The following TIMP2 variants were observed in gnomAD, a reference collection of about 807,000 sequenced individuals.
TIMP2 encodes metalloproteinase inhibitor 2.
Under a neutral mutation model 24.3 loss-of-function variants are expected in TIMP2, and 5 were observed. That is an observed-to-expected ratio of 0.21 (90% confidence interval 0.11 to 0.43). The LOEUF is 0.43. Ranked by LOEUF, TIMP2 falls within the 20% of genes least tolerant of loss-of-function variation. TIMP2 has a pLI of 1.00. For missense variants in TIMP2, 221 were observed against 297.5 expected (o/e 0.74, Z 1.89); for synonymous variants, 130 against 123.2 (o/e 1.06, Z -0.37).
At chr17:78,872,591 A>T (rs2145754968) in intron 2 of TIMP2, among the ~76,000 whole-genome samples, 1 of 152,294 alleles carries the variant, frequency 6.6e-6, no homozygotes, top group South Asian at 2.1e-4. Flanking sequence ...GTACCAGGAA[A>T]GGTTATGTTG....
At chr17:78,882,117 A>G (rs540961221) in intron 1 of TIMP2, among the ~76,000 whole-genome samples, 1 of 152,320 alleles carries the variant, frequency 6.6e-6, no homozygotes, top group East Asian at 1.9e-4. Context: ...GGTGCCCGCC[A>G]CCATGCCCGG....
chr17:78,887,965 G>A (rs990014545), intron 1 of TIMP2, among the ~76,000 whole-genome samples: 2 of 152,062 alleles, frequency 1.3e-5, no homozygotes, highest in Non-Finnish European at 2.9e-5. Context: ...AGTAAGAGGC[G>A]TTTGTGTGAT....
At chr17:78,895,691 T>A (rs2069988057) in intron 1 of TIMP2, among the ~76,000 whole-genome samples, 1 of 152,200 alleles carries the variant, frequency 6.6e-6, no homozygotes, top group African/African-American at 2.4e-5. Context: ...AGAGGTTGAA[T>A]AACTTTCCCA....
chr17:78,902,048 G>C, intron 1 of TIMP2: 1 of 521,210 alleles, frequency 1.9e-6, no homozygotes, highest in Non-Finnish European at 3.4e-6. Flanking sequence ...CAGAGGCTTG[G>C]TTTTCGCCCT....
In TIMP2 at chr17:78,892,306, G is replaced by A. The variant is rs1387985921; in HGVS notation, c.131-18387C>T. 4 of 1,550,674 alleles carry A rather than the reference G, an allele frequency of 2.6e-6. No homozygotes were observed. The South Asian group carries it at 3.6e-5, about 14-fold the overall frequency. ...GCAGGTCTTCGTTATCAGGACAGAGGCTCAGCCACATGGCTCCATCCATGT... is the reference window on the plus strand; with the variant it reads ...GCAGGTCTTCGTTATCAGGACAGAGACTCAGCCACATGGCTCCATCCATGT... On this transcript the variant is annotated intron_variant, in intron 1 of 4. Transcript: ENST00000262768.
rs1387162850 is a variant in TIMP2, at chr17:78,853,084, G to GT, written c.*2582dup. 6 of 152,572 alleles carry GT rather than the reference G, an allele frequency of 3.9e-5. No individual in the cohort carries two copies. Among genetic ancestry groups the GT allele is most frequent in the Non-Finnish European group, 8.8e-5 (6 of 68,044 alleles). The allele number at this position is 152,572 out of a possible 1,614,324, so 9.5% of individuals were successfully genotyped here. A position where few individuals can be genotyped will look rare whatever the true frequency, so the allele number is the denominator to read the frequency against. On this transcript the variant is annotated 3_prime_UTR_variant, in exon 5 of 5. Coordinates refer to ENST00000262768, the MANE Select transcript of TIMP2 (RefSeq NM_003255.5). ...TGCTTGTCAACTTTCAACAACTCTT[G>GT]TGTGTTCCCAGCACCGGAAGGTCTC...
chr17:78,873,027 C>T (rs2069698645), intron 2 of TIMP2, among the ~76,000 whole-genome samples: 1 of 152,120 alleles, frequency 6.6e-6, no homozygotes, highest in Admixed American at 6.6e-5. Flanking sequence ...CATGGGGTTT[C>T]TCCATGTTGG....
At chr17:78,911,007 C>A (rs759975996) in intron 1 of TIMP2, among the ~76,000 whole-genome samples, 1 of 152,128 alleles carries the variant, frequency 6.6e-6, no homozygotes, top group Admixed American at 6.6e-5. Flanking sequence ...ATCATATGGC[C>A]GTTCTATTTG....
chr17:78,913,805 T>C (rs1398088105), intron 1 of TIMP2, among the ~76,000 whole-genome samples: 1 of 148,934 alleles, frequency 6.7e-6, no homozygotes, highest in Admixed American at 6.9e-5. Context: ...GGCAGGAGAA[T>C]TGCTTAAACC....
intron 1 of TIMP2, chr17:78,874,170 G>A (rs749406272): frequency 1.7e-4 from 82 of 483,672 alleles, no homozygotes; most frequent in Non-Finnish European, 2.8e-4. Flanking sequence ...TTTGTTGACA[G>A]GGGCCCAAGC....
At chr17:78,910,193 TC>T (rs1327429842) in intron 1 of TIMP2, among the ~76,000 whole-genome samples, 1 of 150,508 alleles carries the variant, frequency 6.6e-6, no homozygotes, top group East Asian at 1.9e-4. Context: ...AATTTCTTTT[TC>T]TTTTTTTTTT....
At chr17:78,859,645 G>A (rs183559714) in intron 3 of TIMP2, among the ~76,000 whole-genome samples, 1 of 151,794 alleles carries the variant, frequency 6.6e-6, no homozygotes, top group African/African-American at 2.4e-5. Context: ...CTGGGCGACA[G>A]AGACAGACTC....
chr17:78,870,206 A>G (rs191350635), intron 3 of TIMP2, among the ~76,000 whole-genome samples: 3 of 152,306 alleles, frequency 2.0e-5, no homozygotes, highest in Non-Finnish European at 2.9e-5. Flanking sequence ...ACCTGAGGTC[A>G]GGAGTTCGAG....
chr17:78,891,650 GC>G lies in TIMP2; in HGVS notation c.131-17732del. The G allele has an allele frequency of 6.4e-7, 1 of 1,550,928 alleles. No homozygotes were observed. Among genetic ancestry groups the G allele is most frequent in the Non-Finnish European group, 8.7e-7 (1 of 1,147,092 alleles). ...GGTCAGGGCTGGAACAAAGCAAACT[GC>G]CCCCTTTCCCAGTTGCCTCCTCCCC... On this transcript the variant is annotated intron_variant, in intron 1 of 4. Coordinates refer to ENST00000262768, the MANE Select transcript of TIMP2 (RefSeq NM_003255.5). This position sits in a 1 kb window ranked among gnomAD's most constrained non-coding sequence, Gnocchi z 4.5.
intron 1 of TIMP2, among the ~76,000 whole-genome samples, chr17:78,893,595 G>A (rs1297049381): frequency 6.6e-6 from 1 of 151,964 alleles, no homozygotes; most frequent in Non-Finnish European, 1.5e-5. Flanking sequence ...GTGTATGTAT[G>A]CATGTCTGTG....
At chr17:78,923,192 A>C (rs1316139608) in intron 1 of TIMP2, among the ~76,000 whole-genome samples, 3 of 152,050 alleles carry the variant, frequency 2.0e-5, no homozygotes, top group South Asian at 2.1e-4. Flanking sequence ...AATGCCAGGC[A>C]ACCCAGAAGA....
rs181724625 is a variant in TIMP2 at position 78,914,346 on chromosome 17, G to A, written c.130+10613C>T. ...CAGGCTGGATGGAGTACGGTGGCCC[G>A]ATCTCGGCTCACTGCAACCTCCACC... On this transcript the variant is annotated intron_variant, in intron 1 of 4. Transcript: ENST00000262768. Among the ~76,000 whole-genome samples, 370 of 152,076 alleles carry A rather than the reference G, an allele frequency of 2.4e-3. 1 individual carries two copies. Among genetic ancestry groups the A allele is most frequent in the Middle Eastern group, 0.01 (3 of 294 alleles).
intron 3 of TIMP2, among the ~76,000 whole-genome samples, chr17:78,868,593 T>C (rs896800813): frequency 6.6e-6 from 1 of 152,160 alleles, no homozygotes; most frequent in Non-Finnish European, 1.5e-5. Context: ...AGATTCCTAC[T>C]TCCCCAGGGA....
intron 1 of TIMP2, among the ~76,000 whole-genome samples, chr17:78,909,389 C>A (rs1437494386): frequency 6.6e-6 from 1 of 151,726 alleles, no homozygotes; most frequent in Non-Finnish European, 1.5e-5. Context: ...AAGGAGCCCA[C>A]CTGTCCCCAG....
Sources: gnomAD v4.1 joint callset for allele counts (sites outside exome capture counted in the v4.1 genomes callset) on GRCh38, gnomAD v4.1.1 for gene constraint, Gnocchi (gnomAD v3.1) non-coding constraint, MANE v1.5 for transcripts, NCBI Gene and HGNC (gene_info 2026-07-23, HGNC 2026-07-21) for gene names.